Variants in TSHZ2 observed in about 807,000 individuals in gnomAD.
TSHZ2 encodes the protein teashirt homolog 2.
In TSHZ2, 21 loss-of-function variants were observed where a neutral mutation model predicts 74.4. The ratio of observed to expected loss-of-function variants is 0.28; its 90% CI spans 0.20 to 0.41. The LOEUF is 0.41. Among genes scored for constraint, TSHZ2 ranks in the 10% least tolerant of loss-of-function variants. The pLI is 1.00. For missense variants in TSHZ2, 1,244 were observed against 1,293.5 expected (o/e 0.96, Z 0.59); for synonymous variants, 540 against 515.3 (o/e 1.05, Z -0.65).
intron 2 of TSHZ2, among the ~76,000 whole-genome samples, chr20:53,285,314 A>G (rs1488021503): frequency 2.6e-5 from 4 of 152,136 alleles, no homozygotes; most frequent in African/African-American, 9.7e-5. Flanking sequence ...CCAGGAGAGG[A>G]TTGGATTCAT....
intron 1 of TSHZ2, among the ~76,000 whole-genome samples, chr20:53,126,011 G>C (rs555104253): frequency 1.4e-5 from 2 of 146,882 alleles, no homozygotes; most frequent in African/African-American, 5.5e-5. Flanking sequence ...ATAAAACTCT[G>C]GGTTTTTGTT....
At chr20:53,201,047 T>G (rs1988993003) in intron 1 of TSHZ2, among the ~76,000 whole-genome samples, 1 of 151,892 alleles carries the variant, frequency 6.6e-6, no homozygotes, top group Non-Finnish European at 1.5e-5. Flanking sequence ...AGAAATTGAG[T>G]CAAAAGAAAT....
At chr20:53,095,007 A>C (rs1294146420) in intron 1 of TSHZ2, among the ~76,000 whole-genome samples, 3 of 152,200 alleles carry the variant, frequency 2.0e-5, no homozygotes, top group African/African-American at 4.8e-5. Context: ...TCAAAGTGAA[A>C]GGTGTATAAG....
intron 2 of TSHZ2, among the ~76,000 whole-genome samples, chr20:53,413,083 C>T (rs538058033): frequency 6.6e-6 from 1 of 152,294 alleles, no homozygotes; most frequent in South Asian, 2.1e-4. Context: ...GGAAGAGGGA[C>T]AGGGAGGGGA....
At chr20:53,272,359 G>A (rs1428303473) in intron 2 of TSHZ2, among the ~76,000 whole-genome samples, 2 of 152,016 alleles carry the variant, frequency 1.3e-5, no homozygotes, top group Non-Finnish European at 2.9e-5. Flanking sequence ...ATACAAGGTC[G>A]ACCTCCACCT....
Position 53,147,591 on chromosome 20 carries a change from T to C in TSHZ2, c.41-105908T>C, listed in dbSNP as rs141477373. Among the ~76,000 whole-genome samples, 294 of 152,384 alleles carry C rather than the reference T, an allele frequency of 1.9e-3. 1 individual carries two copies. The highest frequency in any genetic ancestry group is 6.7e-3 in the African/African-American group (280 of 41,604). On this transcript the variant is annotated intron_variant, in intron 1 of 2. Coordinates refer to ENST00000371497, the MANE Select transcript of TSHZ2 (RefSeq NM_173485.6). ...AGAAATTTTTGATTGTTGGTTGCCA[T>C]ATCACTGTGGTATTAATGTGATTTG... is the stretch of plus-strand genomic sequence containing the variant.
intron 2 of TSHZ2, among the ~76,000 whole-genome samples, chr20:53,386,335 T>C (rs1281157492): frequency 6.6e-6 from 1 of 152,260 alleles, no homozygotes; most frequent in Non-Finnish European, 1.5e-5. Flanking sequence ...CTCAGCGGAA[T>C]GACTGCTAGT....
At chr20:53,458,437 G>C (rs1985203051) in intron 2 of TSHZ2, among the ~76,000 whole-genome samples, 1 of 152,098 alleles carries the variant, frequency 6.6e-6, no homozygotes, top group Non-Finnish European at 1.5e-5. Context: ...ACATCTATTT[G>C]ATTCTTCTCT....
intron 1 of TSHZ2, among the ~76,000 whole-genome samples, chr20:52,974,489 A>T (rs568506039): frequency 1.6e-4 from 25 of 151,996 alleles, no homozygotes; most frequent in African/African-American, 5.6e-4. Flanking sequence ...GGGCTTTCGC[A>T]AAAAGCTTAA....
rs1202177247 is a variant in TSHZ2, at chr20:53,307,208, C to T, written c.*8+50637C>T. 3.3e-5 allele frequency among the ~76,000 whole-genome samples: 5 copies of T among 152,260 alleles called. No individual in the cohort carries two copies. In the East Asian group the frequency reaches 9.6e-4, roughly 29 times the overall value. On this transcript the variant is annotated intron_variant, in intron 2 of 2. Coordinates refer to ENST00000371497, the MANE Select transcript of TSHZ2 (RefSeq NM_173485.6). ...CCTGTTACCTGCTCCTCCCAGGCTGCAACTTGATTCCCAAACCTCCCCTTG... is the reference window on the plus strand; with the variant it reads ...CCTGTTACCTGCTCCTCCCAGGCTGTAACTTGATTCCCAAACCTCCCCTTG...
chr20:53,243,605 T>A (rs1459095174), intron 1 of TSHZ2, among the ~76,000 whole-genome samples: 2 of 152,076 alleles, frequency 1.3e-5, no homozygotes, highest in African/African-American at 2.4e-5. Flanking sequence ...GGTTGGAAAG[T>A]CAAGCATCTG....
intron 2 of TSHZ2, among the ~76,000 whole-genome samples, chr20:53,288,885 T>C (rs1991225185): frequency 6.6e-6 from 1 of 152,212 alleles, no homozygotes; most frequent in Admixed American, 6.5e-5. Context: ...AGTCATTTAA[T>C]GGTGATTTCC....
At chr20:53,444,156 G>T (rs1333652553) in intron 2 of TSHZ2, among the ~76,000 whole-genome samples, 1 of 152,162 alleles carries the variant, frequency 6.6e-6, no homozygotes. Context: ...ACAGGTCATG[G>T]TTCACTGAAG....
chr20:53,118,083 A>G (rs1986717181), intron 1 of TSHZ2, among the ~76,000 whole-genome samples: 1 of 152,196 alleles, frequency 6.6e-6, no homozygotes, highest in South Asian at 2.1e-4. Flanking sequence ...CCACTGTTTG[A>G]TCGGCATGCT....
At chr20:53,055,165 C>G (rs6022260) in intron 1 of TSHZ2, among the ~76,000 whole-genome samples, 12,526 of 152,138 alleles carry the variant, frequency 0.082, 606 homozygotes, top group South Asian at 0.19. Flanking sequence ...AATAATTAAC[C>G]CTCTATCCAC....
At chr20:53,185,413 G>A in intron 1 of TSHZ2, 1 of 1,291,932 alleles carries the variant, frequency 7.7e-7, no homozygotes, top group South Asian at 2.0e-5. Context: ...GGTGGTTCAA[G>A]CCTGTGATTC....
intron 2 of TSHZ2, among the ~76,000 whole-genome samples, chr20:53,472,239 C>T (rs921028143): frequency 2.0e-5 from 3 of 152,206 alleles, no homozygotes; most frequent in Admixed American, 2.0e-4. Flanking sequence ...GAGCGAATGC[C>T]ACAGCCATCC....
rs1224113924 is a variant in TSHZ2 at position 52,972,948 on chromosome 20, A to G, written c.-346A>G. The G allele has an allele frequency of 4.8e-5, 12 of 248,222 alleles. No individual in the cohort carries two copies. The highest frequency in any genetic ancestry group is 4.5e-4 in the East Asian group (6 of 13,360). 15.4% of individuals were successfully genotyped at this position (248,222 alleles called of 1,614,324 possible). A position where few individuals can be genotyped will look rare whatever the true frequency, so the allele number is the denominator to read the frequency against. ...AAATCAAGTGTCTCAACAGTCACCAAAAAAAAAAAAAACCGCAAAAACAAA... is the reference window on the plus strand; with the variant it reads ...AAATCAAGTGTCTCAACAGTCACCAGAAAAAAAAAAAACCGCAAAAACAAA... On this transcript the variant is annotated 5_prime_UTR_variant, in exon 1 of 3. Transcript: ENST00000371497.
At chr20:53,265,676 T>C (rs1218032367) in intron 2 of TSHZ2, among the ~76,000 whole-genome samples, 1 of 152,230 alleles carries the variant, frequency 6.6e-6, no homozygotes, top group East Asian at 1.9e-4. Flanking sequence ...CTGCTCCTTG[T>C]GGGGGAGGCA....
Sources: gnomAD v4.1 joint callset for allele counts (sites outside exome capture counted in the v4.1 genomes callset) on GRCh38, gnomAD v4.1.1 for gene constraint, MANE v1.5 for transcripts, NCBI Gene and HGNC (gene_info 2026-07-23, HGNC 2026-07-21) for gene names.